LHPP: variants seen among roughly 807,000 people sequenced by gnomAD.
LHPP encodes the protein hLHPP.
In LHPP, 24 loss-of-function variants were observed where a neutral mutation model predicts 30.3. The observed-to-expected ratio is 0.79, with a 90% CI of 0.57 to 1.11. The LOEUF is 1.11. Among genes scored for constraint, LHPP ranks in the 50% most tolerant of loss-of-function variants. The pLI is 0.00. For missense variants in LHPP, 356 were observed against 367.2 expected, an observed-to-expected ratio of 0.97 and a Z score of 0.25; for synonymous variants, 150 against 157.1, an observed-to-expected ratio of 0.95 and a Z score of 0.34.
At chr10:124,519,160 C>T (rs1370748958) in intron 6 of LHPP, among the ~76,000 whole-genome samples, 1 of 152,130 alleles carries the variant, frequency 6.6e-6, no homozygotes, top group Non-Finnish European at 1.5e-5. Flanking sequence ...GTTGGCCAGG[C>T]TGGTCTCGAA....
intron 2 of LHPP, among the ~76,000 whole-genome samples, chr10:124,485,389 G>A (rs1953293144): frequency 6.6e-6 from 1 of 151,970 alleles, no homozygotes; most frequent in Non-Finnish European, 1.5e-5. Context: ...CTTGGCCAGT[G>A]AATCAGACAA....
chr10:124,484,099 C>T, intron 1 of LHPP, 40 bp from the exon 2 acceptor site: 1 of 1,597,486 alleles, frequency 6.3e-7, no homozygotes, highest in Non-Finnish European at 8.5e-7. Context: ...CCCAACACTC[C>T]ACGTGCTGAC....
At chr10:124,501,589 C>A (rs1953900517) in intron 5 of LHPP, among the ~76,000 whole-genome samples, 2 of 143,582 alleles carry the variant, frequency 1.4e-5, no homozygotes, top group African/African-American at 5.4e-5. Context: ...GCGACAGAGC[C>A]AGACTCTGTC....
At chr10:124,505,542 C>T (rs559074100) in intron 5 of LHPP, among the ~76,000 whole-genome samples, 46 of 152,332 alleles carry the variant, frequency 3.0e-4, no homozygotes, top group Middle Eastern at 3.4e-3. Context: ...CTAGAAATCA[C>T]AGATTGCTGG....
At chr10:124,585,593 C>A (rs564683938) in intron 6 of LHPP, among the ~76,000 whole-genome samples, 1 of 148,176 alleles carries the variant, frequency 6.7e-6, no homozygotes, top group Non-Finnish European at 1.5e-5. Context: ...CCAGTCTGGG[C>A]GACAGAACGA....
In LHPP at chr10:124,527,845, A is replaced by C. The variant is rs1236711634; in HGVS notation, c.716+10574A>C. Among the ~76,000 whole-genome samples, 4 of 151,770 alleles carry C rather than the reference A, an allele frequency of 2.6e-5. No homozygotes were observed. In the East Asian group the frequency reaches 7.8e-4, roughly 29 times the overall value. On this transcript the variant is annotated intron_variant, in intron 6 of 6. Coordinates refer to ENST00000368842, the MANE Select transcript of LHPP (RefSeq NM_022126.4). ...TCCTAGGTGGGAGTGCAGTGGCACC[A>C]TCATGGCCCACTGCAGCCTGGAACT...
At chr10:124,605,197 TGCATTCG>T (rs1949075730) in intron 6 of LHPP, 1 of 152,372 alleles carries the variant, frequency 6.6e-6, no homozygotes, top group African/African-American at 2.4e-5. Flanking sequence ...ACCCGTTCCC[TGCATTCG>T]GCTGACAGAG....
At chr10:124,491,584 G>A (rs1436390814) in intron 3 of LHPP, among the ~76,000 whole-genome samples, 2 of 152,180 alleles carry the variant, frequency 1.3e-5, no homozygotes, top group East Asian at 1.9e-4. Context: ...GACCCTGTGC[G>A]TGTTACCTCT....
At chr10:124,473,569 C>A (rs1327921447) in intron 1 of LHPP, among the ~76,000 whole-genome samples, 1 of 152,162 alleles carries the variant, frequency 6.6e-6, no homozygotes, top group Non-Finnish European at 1.5e-5. Context: ...CGTTCCGTCA[C>A]CCCATTATGG....
chr10:124,578,738 G>A (rs1948703563), intron 6 of LHPP, among the ~76,000 whole-genome samples: 1 of 152,236 alleles, frequency 6.6e-6, no homozygotes. Flanking sequence ...AGCAGGGGCT[G>A]AGCAGCATCT....
In LHPP at chr10:124,478,326, G is replaced by T. The variant is rs1276104353; in HGVS notation, c.126-5813G>T. Among the ~76,000 whole-genome samples, 2 of 152,188 alleles carry T rather than the reference G, an allele frequency of 1.3e-5. No individual in the cohort carries two copies. The highest frequency in any genetic ancestry group is 2.4e-5 in the African/African-American group (1 of 41,458). On this transcript the variant is annotated intron_variant, in intron 1 of 6. Coordinates refer to ENST00000368842, the MANE Select transcript of LHPP (RefSeq NM_022126.4). The surrounding 1 kb of genome is among the most constrained non-coding windows in gnomAD (Gnocchi z 4.7). ...TGAAAGCAAAGACTCAGGGTGCTAT[G>T]AGGGCCTCTGGGTCACACGAAGGTG...
At chr10:124,570,463 G>C (rs1465326661) in intron 6 of LHPP, among the ~76,000 whole-genome samples, 2 of 152,318 alleles carry the variant, frequency 1.3e-5, no homozygotes, top group Admixed American at 6.5e-5. Flanking sequence ...TTTTAATTTT[G>C]TAATTGAGAT....
chr10:124,488,278 C>A, intron 2 of LHPP, 144 bp from the exon 3 acceptor site: 1 of 734,336 alleles, frequency 1.4e-6, no homozygotes, highest in Non-Finnish European at 2.3e-6. Context: ...TCTGTGTCTA[C>A]CTCCCATGGC....
intron 6 of LHPP, among the ~76,000 whole-genome samples, chr10:124,595,376 A>T (rs1466348278): frequency 6.6e-6 from 1 of 152,244 alleles, no homozygotes; most frequent in Non-Finnish European, 1.5e-5. Context: ...CAGAGTTTGC[A>T]TCCATTGGAG....
At chr10:124,587,026 T>G (rs1284598966) in intron 6 of LHPP, among the ~76,000 whole-genome samples, 1 of 66,020 alleles carries the variant, frequency 1.5e-5, no homozygotes, top group African/African-American at 7.2e-5. Flanking sequence ...GCTTGCTACT[T>G]TTTTTTTTTT....
intron 6 of LHPP, among the ~76,000 whole-genome samples, chr10:124,587,024 C>CTTTTT: frequency 8.3e-6 from 1 of 120,742 alleles, no homozygotes; most frequent in Non-Finnish European, 1.7e-5. Context: ...GTGCTTGCTA[C>CTTTTT]TTTTTTTTTT....
Position 124,510,406 on chromosome 10 carries a change from G to A in LHPP, c.625-6774G>A, listed in dbSNP as rs1001421267. On this transcript the variant is annotated intron_variant, in intron 5 of 6. Coordinates refer to ENST00000368842, the MANE Select transcript of LHPP (RefSeq NM_022126.4). This position sits in a 1 kb window ranked among gnomAD's most constrained non-coding sequence, Gnocchi z 4.0. ...AGCTGTGCACCCAGCCGGCCCTGGC[G>A]TCCCGGCCCCCAGCCTCCGCCTCCC... is the stretch of plus-strand genomic sequence containing the variant. Among the ~76,000 whole-genome samples, 41 of 152,182 alleles carry A rather than the reference G, an allele frequency of 2.7e-4. No homozygotes were observed. The highest frequency in any genetic ancestry group is 7.0e-4 in the African/African-American group (29 of 41,522).
intron 5 of LHPP, among the ~76,000 whole-genome samples, chr10:124,500,800 G>C (rs529814759): frequency 7.9e-5 from 12 of 152,046 alleles, no homozygotes; most frequent in African/African-American, 2.9e-4. Flanking sequence ...TATTGCTGCT[G>C]GGAAGGTGAA....
At chr10:124,555,026 G>A (rs748626020) in intron 6 of LHPP, among the ~76,000 whole-genome samples, 1 of 152,232 alleles carries the variant, frequency 6.6e-6, no homozygotes, top group Non-Finnish European at 1.5e-5. Flanking sequence ...TTAGGGTGAG[G>A]AAACTGAGGC....
Sources: gnomAD v4.1 joint callset for allele counts (sites outside exome capture counted in the v4.1 genomes callset) on GRCh38, gnomAD v4.1.1 for gene constraint, Gnocchi (gnomAD v3.1) non-coding constraint, MANE v1.5 for transcripts, NCBI Gene and HGNC (gene_info 2026-07-23, HGNC 2026-07-21) for gene names.